Variants in EHMT1 observed in about 807,000 individuals in gnomAD.
EHMT1 encodes the protein histone-lysine N-methyltransferase EHMT1.
A neutral mutation model predicts 147.2 loss-of-function variants in EHMT1; 15 were observed. The observed-to-expected ratio is 0.10, with a 90% CI of 0.07 to 0.16. The LOEUF (loss-of-function observed/expected upper bound fraction) is 0.16, where lower values mean the gene tolerates loss of function less well. Among genes scored for constraint, EHMT1 ranks in the 10% least tolerant of loss-of-function variants. The probability of loss-of-function intolerance (pLI) is 1.00; values close to 1 mark genes in which losing one functional copy is unlikely to be tolerated. For missense variants in EHMT1, 1,587 were observed against 1,772.4 expected, an observed-to-expected ratio of 0.90 and a Z score of 1.88; for synonymous variants, 795 against 709.6, an observed-to-expected ratio of 1.12 and a Z score of -1.91.
In EHMT1 at chr9:137,787,630, G is replaced by T; in HGVS notation, c.2383-3218G>T. ...GCTCCCTGGCAACAAGCTGGGGGTG[G>T]AAGCGGGAGGGAGGAGGGGCCTGTC... On this transcript the variant is annotated intron_variant, in intron 15 of 26. Coordinates refer to ENST00000460843, the MANE Select transcript of EHMT1 (RefSeq NM_024757.5). This position sits in a 1 kb window ranked among gnomAD's most constrained non-coding sequence, Gnocchi z 4.2. The T allele has an allele frequency of 1.9e-6, 1 of 530,458 alleles. No individual in the cohort carries two copies. The highest frequency in any genetic ancestry group is 2.2e-5 in the South Asian group (1 of 44,938). The allele number at this position is 530,458 out of a possible 1,614,324, so 32.9% of individuals were successfully genotyped here.
intron 16 of EHMT1, among the ~76,000 whole-genome samples, chr9:137,798,216 G>T (rs1423491622): frequency 6.6e-6 from 1 of 152,142 alleles, no homozygotes; most frequent in South Asian, 2.1e-4. Flanking sequence ...CCTAGGCAGT[G>T]TAGCAAGACC....
chr9:137,829,157 C>T (rs1017162363), intron 25 of EHMT1, among the ~76,000 whole-genome samples: 17 of 152,210 alleles, frequency 1.1e-4, no homozygotes, highest in South Asian at 8.3e-4. Flanking sequence ...TCCTCACCTG[C>T]GGCAGCACTT....
At chr9:137,651,475 A>G (rs1453867530) in intron 1 of EHMT1, among the ~76,000 whole-genome samples, 2 of 152,162 alleles carry the variant, frequency 1.3e-5, no homozygotes, top group African/African-American at 4.8e-5. Context: ...ATATAAGATG[A>G]TGGTCCAGTA....
Position 137,741,539 on chromosome 9 carries a change from C to T in EHMT1, c.824-1832C>T, listed in dbSNP as rs1002911753. The stretch of plus-strand genomic sequence containing the variant: ...ATAAAGCTTTATTTATAAACAGGTG[C>T]CATGTCCGATTTATGATATTAATAA... On this transcript the variant is annotated intron_variant, in intron 4 of 26. Coordinates refer to ENST00000460843, the MANE Select transcript of EHMT1 (RefSeq NM_024757.5). 3.9e-5 allele frequency among the ~76,000 whole-genome samples: 6 copies of T among 152,080 alleles called. No homozygotes were observed. The East Asian group carries it at 1.2e-3, about 29-fold the overall frequency.
chr9:137,795,425 ACACTCT>A (rs1215079829), intron 16 of EHMT1, among the ~76,000 whole-genome samples: 1,172 of 15,300 alleles, frequency 0.077, 27 homozygotes, highest in African/African-American at 0.15. Flanking sequence ...ACACACACAC[ACACTCT>A]CACACTCACA....
intron 6 of EHMT1, among the ~76,000 whole-genome samples, chr9:137,751,233 G>A (rs944142659): frequency 6.6e-6 from 1 of 152,160 alleles, no homozygotes; most frequent in Non-Finnish European, 1.5e-5. Context: ...ACACAAACCT[G>A]GAAGCCATGA....
At position 137,775,061 on chromosome 9, in the gene EHMT1, C is replaced by T. The variant is rs764297411; in HGVS notation, c.1648-48C>T. ...CCCAGCGCCTGGTGGGAGGGAATGCCGGCCTCTCGTGACTCTGACATTGAC... is the reference window on the plus strand; with the variant it reads ...CCCAGCGCCTGGTGGGAGGGAATGCTGGCCTCTCGTGACTCTGACATTGAC... On this transcript the variant is annotated intron_variant, in intron 10 of 26. Transcript: ENST00000460843. The surrounding 1 kb of genome is among the most constrained non-coding windows in gnomAD (Gnocchi z 6.1). 42 of 1,613,214 alleles carry T rather than the reference C, an allele frequency of 2.6e-5. No individual in the cohort carries two copies. The highest frequency in any genetic ancestry group is 1.7e-4 in the Middle Eastern group (1 of 6,042).
chr9:137,779,753 G>C lies in EHMT1; in HGVS notation c.2275+36G>C, dbSNP rs764634860. 42 of 1,608,142 alleles carry C rather than the reference G, an allele frequency of 2.6e-5. No homozygotes were observed. The Middle Eastern group carries it at 8.2e-4, about 31-fold the overall frequency. On this transcript the variant is annotated intron_variant, in intron 14 of 26. Transcript: ENST00000460843. ...TCCTGCGGCCCGGGCACATGCAGCCGGCCCTGTGGCACTGAAAGAAGCCGA... is the reference window on the plus strand; with the variant it reads ...TCCTGCGGCCCGGGCACATGCAGCCCGCCCTGTGGCACTGAAAGAAGCCGA...
At chr9:137,669,404 C>A (rs1940198492) in intron 1 of EHMT1, among the ~76,000 whole-genome samples, 2 of 151,196 alleles carry the variant, frequency 1.3e-5, no homozygotes, top group African/African-American at 2.4e-5. Flanking sequence ...CCCCCCACAG[C>A]ACGTGCACTC....
intron 1 of EHMT1, among the ~76,000 whole-genome samples, chr9:137,626,729 C>A (rs1486276384): frequency 1.3e-5 from 2 of 151,772 alleles, no homozygotes; most frequent in Admixed American, 1.3e-4. Flanking sequence ...TTATTTGTTG[C>A]CTTCACTGTA....
intron 1 of EHMT1, among the ~76,000 whole-genome samples, chr9:137,668,095 C>T (rs769754402): frequency 3.6e-4 from 55 of 152,064 alleles, no homozygotes; most frequent in Non-Finnish European, 7.2e-4. Context: ...GGAGAAGAGG[C>T]AGGACCAGTG....
In EHMT1 at chr9:137,775,196, C is replaced by T. The variant is rs761827857; in HGVS notation, c.1735C>T (p.Arg579Trp). ...GCTCCTCGTGCTGTGTGAAGACCAC[C>T]GGGGCCGCATGGTGAAGCACCAGTG... is the stretch of plus-strand genomic sequence containing the variant. ...APLLVLCEDHRGRMVKHQCCP... is the reference protein window; with the variant it reads ...APLLVLCEDHWGRMVKHQCCP... Residue 579 changes from arginine to tryptophan, a missense_variant, in exon 11 of 27, where the codon CGG becomes TGG. Physicochemically the swap from Arg to Trp is moderately radical, Grantham distance 101. Transcript: ENST00000460843. This position sits in a 1 kb window ranked among gnomAD's most constrained non-coding sequence, Gnocchi z 6.1. The T allele has an allele frequency of 4.3e-6, 7 of 1,613,640 alleles. No homozygotes were observed. The highest frequency in any genetic ancestry group is 2.2e-5 in the East Asian group (1 of 44,848).
At chr9:137,720,998 C>T (rs1265703444) in intron 3 of EHMT1, among the ~76,000 whole-genome samples, 1 of 152,048 alleles carries the variant, frequency 6.6e-6, no homozygotes, top group African/African-American at 2.4e-5. Context: ...GGCCGCCTTT[C>T]TCCCCTCCTC....
At chr9:137,649,153 T>G (rs965696921) in intron 1 of EHMT1, among the ~76,000 whole-genome samples, 4 of 151,846 alleles carry the variant, frequency 2.6e-5, no homozygotes, top group African/African-American at 7.2e-5. Flanking sequence ...TCAGAAATAG[T>G]GTTCTCCCGG....
chr9:137,797,169 G>C (rs73572961), intron 16 of EHMT1, among the ~76,000 whole-genome samples: 84 of 152,298 alleles, frequency 5.5e-4, no homozygotes, highest in African/African-American at 1.9e-3. Flanking sequence ...TCCCTTGGGT[G>C]GGGGTGGGCT....
chr9:137,669,185 C>T (rs1265979471), intron 1 of EHMT1, among the ~76,000 whole-genome samples: 1 of 152,132 alleles, frequency 6.6e-6, no homozygotes, highest in East Asian at 1.9e-4. Context: ...CTGTTCCCGG[C>T]CTAGAAGTAG....
intron 4 of EHMT1, among the ~76,000 whole-genome samples, chr9:137,741,195 C>G (rs1948046141): frequency 6.6e-6 from 1 of 152,052 alleles, no homozygotes; most frequent in South Asian, 2.1e-4. Flanking sequence ...CCAGGATGGT[C>G]TCGATCTCCT....
At chr9:137,668,789 T>A (rs1317745285) in intron 1 of EHMT1, among the ~76,000 whole-genome samples, 11 of 152,208 alleles carry the variant, frequency 7.2e-5, no homozygotes, top group Admixed American at 6.5e-4. Context: ...TGTACGAGTT[T>A]TTGTGTGGAC....
chr9:137,802,523 C>T (rs1194661349), intron 18 of EHMT1: 1 of 398,534 alleles, frequency 2.5e-6, no homozygotes, highest in Admixed American at 4.4e-5. Context: ...ACTATTAAAT[C>T]TCCAATGTGC....
Sources: allele counts gnomAD v4.1 joint callset (sites outside exome capture counted in the v4.1 genomes callset), GRCh38; gene constraint gnomAD v4.1.1; non-coding constraint Gnocchi (gnomAD v3.1); transcripts MANE v1.5; gene names NCBI Gene and HGNC (gene_info 2026-07-23, HGNC 2026-07-21).